HSPA12A: variants seen among roughly 807,000 people sequenced by gnomAD.
The protein encoded by HSPA12A is heat shock protein family A (Hsp70) member 12A, also known as heat shock 70 kDa protein 12A.
Under a neutral mutation model 69.2 loss-of-function variants are expected in HSPA12A, and 28 were observed. That is an observed-to-expected ratio of 0.40 (90% CI 0.30 to 0.55). The LOEUF is 0.55. Among genes scored for constraint, HSPA12A ranks in the 20% least tolerant of loss-of-function variants. HSPA12A has a pLI of 0.38. For synonymous variants in HSPA12A, 345 were observed against 370.5 expected (o/e 0.93, Z 0.79); for missense variants, 686 against 900.7 (o/e 0.76, Z 3.05).
intron 8 of HSPA12A, among the ~76,000 whole-genome samples, chr10:116,681,586 C>T (rs1454079798): frequency 6.6e-6 from 1 of 152,226 alleles, no homozygotes; most frequent in Non-Finnish European, 1.5e-5. Flanking sequence ...CAAAGACTTA[C>T]TCTGGAACTG....
At chr10:116,825,283 G>A (rs1845482808) in intron 2 of HSPA12A, among the ~76,000 whole-genome samples, 1 of 152,032 alleles carries the variant, frequency 6.6e-6, no homozygotes, top group African/African-American at 2.4e-5. Flanking sequence ...GCCTAGATGG[G>A]AGGATCACTT....
intron 2 of HSPA12A, chr10:116,750,315 C>T: frequency 1.3e-6 from 1 of 767,804 alleles, no homozygotes; most frequent in Non-Finnish European, 2.3e-6. Flanking sequence ...TATGGTCAGC[C>T]TGGTGCCTTC....
At chr10:116,841,225 A>G (rs1845796377) in intron 1 of HSPA12A, among the ~76,000 whole-genome samples, 1 of 152,190 alleles carries the variant, frequency 6.6e-6, no homozygotes, top group Non-Finnish European at 1.5e-5. Context: ...GTATCCCCCA[A>G]CTGTAGCAGT....
At chr10:116,751,751 T>C (rs1381677797) in intron 2 of HSPA12A, among the ~76,000 whole-genome samples, 1 of 151,428 alleles carries the variant, frequency 6.6e-6, no homozygotes. Context: ...TGGTGGGAGG[T>C]GTTTGGGTCA....
chr10:116,807,481 G>C (rs1845091485), intron 2 of HSPA12A, among the ~76,000 whole-genome samples: 1 of 152,104 alleles, frequency 6.6e-6, no homozygotes, highest in Non-Finnish European at 1.5e-5. Context: ...TAACTGGATT[G>C]AGTGTGCCAC....
In HSPA12A at chr10:116,674,555, A is replaced by T; in HGVS notation, c.*226T>A. On this transcript the variant is annotated 3_prime_UTR_variant, in exon 12 of 12. Transcript: ENST00000369209. ...TATGAAAACTAGCTGCTCCTCCAGGATCCTTTAATTTTCTATGCCTAAACC... is the reference window on the plus strand; with the variant it reads ...TATGAAAACTAGCTGCTCCTCCAGGTTCCTTTAATTTTCTATGCCTAAACC... 1.7e-6 allele frequency: 1 copy of T among 572,832 alleles called. No individual in the cohort carries two copies. Among genetic ancestry groups the T allele is most frequent in the Non-Finnish European group, 3.1e-6 (1 of 323,788 alleles). The allele number at this position is 572,832 out of a possible 1,614,324, so 35.5% of individuals were successfully genotyped here. A position where few individuals can be genotyped will look rare whatever the true frequency, so the allele number is the denominator to read the frequency against.
chr10:116,681,298 AC>A (rs1554878589), intron 8 of HSPA12A, 42 bp from the exon 9 acceptor site: 2 of 1,525,838 alleles, frequency 1.3e-6, no homozygotes, highest in South Asian at 2.2e-5. Context: ...CTGTTTGCCA[AC>A]CCCATCTGAA....
At chr10:116,847,762 C>T (rs1417635830) in intron 1 of HSPA12A, among the ~76,000 whole-genome samples, 1 of 152,232 alleles carries the variant, frequency 6.6e-6, no homozygotes, top group African/African-American at 2.4e-5. Context: ...TCGCTGTCCT[C>T]CTGGAACTGA....
chr10:116,713,611 CAGGAAAA>C lies in HSPA12A; in HGVS notation c.41-6333_41-6327del, dbSNP rs1554883426. Among the ~76,000 whole-genome samples, 6 of 152,078 alleles carry C rather than the reference CAGGAAAA, an allele frequency of 3.9e-5. No homozygotes were observed. In the East Asian group the frequency reaches 1.2e-3, roughly 29 times the overall value. On this transcript the variant is annotated intron_variant, in intron 1 of 11. Coordinates refer to ENST00000369209, the MANE Select transcript of HSPA12A (RefSeq NM_025015.3). ...ACTGGGGCAGCTGAGTTTCCCAAGACAGGAAAAGCCCCGAGTCCCTGCAATCCCAAAC... is the reference window on the plus strand; with the variant it reads ...ACTGGGGCAGCTGAGTTTCCCAAGACGCCCCGAGTCCCTGCAATCCCAAAC...
chr10:116,770,731 A>G (rs12265114), intron 2 of HSPA12A, among the ~76,000 whole-genome samples: 8,204 of 152,152 alleles, frequency 0.054, 727 homozygotes, highest in African/African-American at 0.19. Flanking sequence ...TGTTCCCATA[A>G]GCCCCTCCCC....
At chr10:116,761,233 C>A (rs1843963783) in intron 2 of HSPA12A, among the ~76,000 whole-genome samples, 1 of 152,018 alleles carries the variant, frequency 6.6e-6, no homozygotes. Context: ...TGCCTGTAAT[C>A]CCAGCGCTTT....
chr10:116,849,105 C>T (rs773617408), intron 1 of HSPA12A, among the ~76,000 whole-genome samples: 1 of 152,200 alleles, frequency 6.6e-6, no homozygotes, highest in Non-Finnish European at 1.5e-5. Context: ...GCCTTAGCAA[C>T]CCGGAGGAGC....
intron 2 of HSPA12A, among the ~76,000 whole-genome samples, chr10:116,803,355 C>T (rs1844999385): frequency 1.3e-5 from 2 of 152,182 alleles, no homozygotes; most frequent in Admixed American, 1.3e-4. Context: ...GTGAGAAAAG[C>T]CAGACAGTGG....
intron 2 of HSPA12A, among the ~76,000 whole-genome samples, chr10:116,811,142 T>C (rs111559198): frequency 0.01 from 1,531 of 152,234 alleles, 21 homozygotes; most frequent in African/African-American, 0.032. Flanking sequence ...CTGGCCATGA[T>C]AGCAATGGAA....
At chr10:116,743,018 G>A (rs1447209276), upstream of HSPA12A, among the ~76,000 whole-genome samples, 1 of 152,114 alleles carries the variant, frequency 6.6e-6, no homozygotes, top group Non-Finnish European at 1.5e-5. Context: ...GGGTCCCAGG[G>A]GAGCGGCCCT....
intron 1 of HSPA12A, among the ~76,000 whole-genome samples, chr10:116,721,608 C>T (rs1026250551): frequency 1.3e-5 from 2 of 152,156 alleles, no homozygotes; most frequent in Non-Finnish European, 1.5e-5. Context: ...CCCGGGTGTG[C>T]GTGACTATAG....
At chr10:116,809,770 G>C (rs917098149) in intron 2 of HSPA12A, among the ~76,000 whole-genome samples, 2 of 152,180 alleles carry the variant, frequency 1.3e-5, no homozygotes, top group East Asian at 3.9e-4. Context: ...TGCTCCAAAG[G>C]ACCCTTTCCT....
chr10:116,797,526 C>T (rs2133162373), intron 2 of HSPA12A, among the ~76,000 whole-genome samples: 1 of 152,292 alleles, frequency 6.6e-6, no homozygotes. Flanking sequence ...GCTCAGGTCA[C>T]CCAGCAGTAT....
intron 2 of HSPA12A, among the ~76,000 whole-genome samples, chr10:116,778,850 G>A (rs1281608439): frequency 3.9e-5 from 6 of 152,148 alleles, no homozygotes; most frequent in African/African-American, 1.4e-4. Context: ...CAGGAGGATC[G>A]CTAGAGCCCA....
Sources: gnomAD v4.1 joint callset for allele counts (sites outside exome capture counted in the v4.1 genomes callset) on GRCh38, gnomAD v4.1.1 for gene constraint, MANE v1.5 for transcripts, NCBI Gene and HGNC (gene_info 2026-07-23, HGNC 2026-07-21) for gene names.